DCAF13: variants seen among roughly 807,000 people sequenced by gnomAD.
DCAF13 encodes DDB1 and CUL4 associated factor 13.
A neutral mutation model predicts 59.0 loss-of-function variants in DCAF13; 38 were observed. The ratio of observed to expected loss-of-function variants is 0.64; its 90% CI spans 0.50 to 0.84. The LOEUF (loss-of-function observed/expected upper bound fraction) is 0.84, where lower values mean the gene tolerates loss of function less well. Ranked by LOEUF, DCAF13 falls within the 40% of genes least tolerant of loss-of-function variation. DCAF13 has a pLI of 0.00. For synonymous variants in DCAF13, 173 were observed against 175.0 expected (o/e 0.99, Z 0.09); for missense variants, 469 against 558.4 (o/e 0.84, Z 1.61).
chr8:103,435,645 C>A lies in DCAF13; in HGVS notation c.805C>A (p.Arg269Ser). 1 of 1,575,194 alleles carries A rather than the reference C, an allele frequency of 6.3e-7. No homozygotes were observed. Among genetic ancestry groups the A allele is most frequent in the Non-Finnish European group, 8.6e-7 (1 of 1,160,148 alleles). Reference protein sequence around the residue: ...EDYNLYTFDMRALDTPVMVHM... With the variant: ...EDYNLYTFDMSALDTPVMVHM... The stretch of plus-strand genomic sequence containing the variant: ...TTACAGCTTATATACTTTTGATATG[C>A]GTGCACTGGACACTCCTGTAATGGT... The change falls in exon 8 of 11, where the codon CGT becomes AGT. Residue 269 changes from arginine to serine, a missense_variant. By Grantham distance (110) the Arg-to-Ser change is moderately radical. This residue lies in a region of DCAF13 where 355 missense variants were observed against 399.1 expected (regional missense o/e 0.89). Coordinates refer to ENST00000612750, the MANE Select transcript of DCAF13 (RefSeq NM_015420.7).
intron 4 of DCAF13, among the ~76,000 whole-genome samples, chr8:103,426,543 T>A (rs766582709): frequency 1.3e-5 from 2 of 152,168 alleles, no homozygotes; most frequent in Non-Finnish European, 2.9e-5. Context: ...TGAAGAAATT[T>A]AATAGTATTA....
intron 8 of DCAF13, among the ~76,000 whole-genome samples, chr8:103,436,589 A>G (rs1045484840): frequency 3.9e-5 from 6 of 152,184 alleles, no homozygotes; most frequent in Admixed American, 6.5e-5. Context: ...CATCTATTAT[A>G]TCTTATTTTT....
Position 103,440,252 on chromosome 8 carries a change from C to T in DCAF13, c.1067C>T (p.Ala356Val). The T allele has an allele frequency of 1.3e-6, 2 of 1,586,306 alleles. No homozygotes were observed. The highest frequency in any genetic ancestry group is 1.2e-5 in the South Asian group (1 of 85,842). Residue 356 changes from alanine (A) to valine (V), a missense_variant, in exon 9 of 11, where the codon GCT becomes GTT. By Grantham distance (64) the Ala-to-Val change is moderately conservative. This residue lies in a region of DCAF13 where 30 missense variants were observed against 67.1 expected (regional missense o/e 0.45). Coordinates refer to ENST00000612750, the MANE Select transcript of DCAF13 (RefSeq NM_015420.7). Reference sequence around the variant, plus strand: ...AACATTCGCCTGTGGAAAGCTAATGCTTCTGAAAAATTGGGTGTGGTAAGA... The same window carrying T: ...AACATTCGCCTGTGGAAAGCTAATGTTTCTGAAAAATTGGGTGTGGTAAGA... ...EMNIRLWKANASEKLGVLTSR... is the reference protein window; with the variant it reads ...EMNIRLWKANVSEKLGVLTSR...
Position 103,442,805 on chromosome 8 carries a change from C to A in DCAF13, c.1261C>A (p.Arg421Ser), listed in dbSNP as rs763941283. The A allele has an allele frequency of 4.5e-6, 7 of 1,572,898 alleles. No homozygotes were observed. In the South Asian group the frequency reaches 8.4e-5, roughly 19 times the overall value. Residue 421 changes from arginine to serine, a missense_variant, in exon 11 of 11, where the codon CGT becomes AGT. Transcript: ENST00000612750. ...KEARRRKEVN[R>S]IKHSKPGSVP... ...ATATTTTATTTCTAGGGAAGTGAAT[C>A]GTATTAAACACAGCAAGCCTGGATC...
In DCAF13 at chr8:103,415,454, T is replaced by C. The variant is rs778509989; in HGVS notation, c.8T>C (p.Val3Ala). 2.7e-5 allele frequency: 44 copies of C among 1,613,166 alleles called. No homozygotes were observed. The Admixed American group carries it at 7.3e-4, about 27-fold the overall frequency. ...GCCGGAAGAGCAACCGAGATGAAGG[T>C]GAAGATGCTGAGCCGGAATCCGGAC... MK[V>A]KMLSRNPDNY... The change falls in exon 1 of 11, where the codon GTG becomes GCG. Residue 3 changes from valine to alanine, a missense_variant. Physicochemically the swap from Val to Ala is moderately conservative, Grantham distance 64 (BLOSUM62 0). Around this residue, in one of 3 missense-constraint regions of DCAF13, gnomAD observed 355 missense variants for 399.1 expected, o/e 0.89. Transcript: ENST00000612750.
At chr8:103,428,047 A>C (rs879709331) in intron 5 of DCAF13, 2 of 152,366 alleles carry the variant, frequency 1.3e-5, no homozygotes, top group Non-Finnish European at 2.9e-5. Flanking sequence ...GTAGTATGAG[A>C]GAAAAATCCT....
At chr8:103,433,751 C>G (rs1816896812) in intron 7 of DCAF13, among the ~76,000 whole-genome samples, 1 of 151,940 alleles carries the variant, frequency 6.6e-6, no homozygotes, top group Admixed American at 6.6e-5. Context: ...GAACAAGACC[C>G]TGGTGTCTTA....
chr8:103,423,355 C>T (rs1816748002), intron 3 of DCAF13, among the ~76,000 whole-genome samples: 1 of 151,956 alleles, frequency 6.6e-6, no homozygotes, highest in Non-Finnish European at 1.5e-5. Context: ...CACACACGCA[C>T]ACAGGAATAC....
intron 1 of DCAF13, 40 bp downstream of exon 1, chr8:103,415,556 A>G (rs779588455): frequency 1.3e-6 from 2 of 1,563,986 alleles, no homozygotes; most frequent in Non-Finnish European, 1.7e-6. Context: ...GGTTTCCGCA[A>G]GTCGTTGGGT....
chr8:103,417,346 A>G (rs1478754512), intron 1 of DCAF13, among the ~76,000 whole-genome samples: 2 of 152,038 alleles, frequency 1.3e-5, no homozygotes, highest in Non-Finnish European at 1.5e-5. Flanking sequence ...TTTTTCTTAA[A>G]AAAAAAGATC....
chr8:103,440,397 AAAAG>A, intron 9 of DCAF13, 126 bp downstream of exon 9: 2 of 566,634 alleles, frequency 3.5e-6, no homozygotes, highest in Non-Finnish European at 5.0e-6. Flanking sequence ...CTGTGATAAA[AAAAG>A]CAATAAATGG....
At position 103,420,328 on chromosome 8, in the gene DCAF13, A is replaced by C. The variant is rs1282696082; in HGVS notation, c.135A>C (p.Leu45Phe). Reference protein sequence around the residue: ...FEVPREYIRALNATKLERVFA... With the variant: ...FEVPREYIRAFNATKLERVFA... ...TCCCACGAGAATATATAAGAGCTTT[A>C]AATGCTACCAAACTGGAACGAGTAT... Residue 45 changes from leucine (L) to phenylalanine (F), a missense_variant, in exon 2 of 11, where the codon TTA (leucine) becomes TTC (phenylalanine). Around this residue, in one of 3 missense-constraint regions of DCAF13, gnomAD observed 355 missense variants for 399.1 expected, o/e 0.89. Transcript: ENST00000612750. The C allele has an allele frequency of 1.9e-6, 3 of 1,614,076 alleles. No individual in the cohort carries two copies. The highest frequency in any genetic ancestry group is 2.5e-6 in the Non-Finnish European group (3 of 1,180,042).
At chr8:103,421,220 C>T (rs1044043050) in intron 3 of DCAF13, 138 bp downstream of exon 3, 9 of 695,274 alleles carry the variant, frequency 1.3e-5, no homozygotes, top group African/African-American at 8.9e-5. Context: ...CTTATTAAAC[C>T]TTGAAAATTA....
At chr8:103,434,601 T>TTA (rs1419659884) in intron 7 of DCAF13, among the ~76,000 whole-genome samples, 1 of 152,034 alleles carries the variant, frequency 6.6e-6, no homozygotes, top group Non-Finnish European at 1.5e-5. Flanking sequence ...TTTGTAATTA[T>TTA]TATATATCTT....
intron 3 of DCAF13, among the ~76,000 whole-genome samples, chr8:103,422,547 A>G (rs770940521): frequency 1.3e-5 from 2 of 152,226 alleles, no homozygotes; most frequent in Non-Finnish European, 2.9e-5. Flanking sequence ...TTTGTGAACT[A>G]CTACAAAGAA....
chr8:103,429,819 T>C (rs566530470), intron 5 of DCAF13: 3 of 152,166 alleles, frequency 2.0e-5, no homozygotes, highest in Non-Finnish European at 4.4e-5. Context: ...AATGGACATA[T>C]CCCACATTGT....
rs1175974439 is a variant in DCAF13, at chr8:103,427,199, T to G, written c.571T>G (p.Ser191Ala). 3 of 1,613,708 alleles carry G rather than the reference T, an allele frequency of 1.9e-6. No homozygotes were observed. Among genetic ancestry groups the G allele is most frequent in the Non-Finnish European group, 2.5e-6 (3 of 1,179,736 alleles). Residue 191 changes from serine to alanine, a missense_variant, in exon 5 of 11, where the codon TCA becomes GCA. Transcript: ENST00000612750. ...TGAACAAAGAACTAATCCTATATGT[T>G]CAATGACCTGGGGATTTGACAGTAT... is the stretch of plus-strand genomic sequence containing the variant. ...WDEQRTNPICSMTWGFDSISS... is the reference protein window; with the variant it reads ...WDEQRTNPICAMTWGFDSISS...
At position 103,415,389 on chromosome 8, in the gene DCAF13, G is replaced by A. The variant is rs201072797; in HGVS notation, c.-58G>A. 3.8e-5 allele frequency: 62 copies of A among 1,614,204 alleles called. No individual in the cohort carries two copies. The East Asian group carries it at 1.2e-3, about 31-fold the overall frequency. ...CGGAAGTCGCCTGTGGGAGGAGGTG[G>A]CGGTGGGCGGAACTCCTAGCGGACA... On this transcript the variant is annotated 5_prime_UTR_variant, in exon 1 of 11. Transcript: ENST00000612750.
rs375740775 is a variant in DCAF13, at chr8:103,420,955, C to T, written c.271-20C>T. On this transcript the variant is annotated intron_variant, in intron 2 of 10. Transcript: ENST00000612750. Reference sequence around the variant, plus strand: ...TTACATTTATAGTTCACTGAAATTTCCTGGTATGCCTTATCATAGGTTAGA... The same window carrying T: ...TTACATTTATAGTTCACTGAAATTTTCTGGTATGCCTTATCATAGGTTAGA... 4.8e-5 allele frequency: 70 copies of T among 1,444,414 alleles called. No individual in the cohort carries two copies. In the African/African-American group the frequency reaches 6.7e-4, roughly 14 times the overall value. 89.5% of individuals were successfully genotyped at this position (1,444,414 alleles called of 1,614,324 possible). A position where few individuals can be genotyped will look rare whatever the true frequency, so the allele number is the denominator to read the frequency against.
Sources: gnomAD v4.1 joint callset for allele counts (sites outside exome capture counted in the v4.1 genomes callset) on GRCh38, gnomAD v4.1.1 for gene constraint, gnomAD v4.1.1 regional missense constraint, MANE v1.5 for transcripts, NCBI Gene and HGNC (gene_info 2026-07-23, HGNC 2026-07-21) for gene names.